Variants in NKTR observed in about 807,000 individuals in gnomAD.
The protein encoded by NKTR is natural killer cell triggering receptor, also known as NK-tumor recognition protein.
A neutral mutation model predicts 156.3 loss-of-function variants in NKTR; 67 were observed. The ratio of observed to expected loss-of-function variants is 0.43; its 90% CI spans 0.35 to 0.53. The LOEUF (loss-of-function observed/expected upper bound fraction) is 0.53, where lower values mean the gene tolerates loss of function less well. NKTR is among the 20% of genes least tolerant of loss of function. NKTR has a pLI of 0.01. For synonymous variants in NKTR, 640 were observed against 596.6 expected (o/e 1.07, Z -1.06); for missense variants, 1,604 against 1,730.9 (o/e 0.93, Z 1.30).
At chr3:42,627,947 A>G (rs1304873957) in intron 6 of NKTR, 2 of 985,208 alleles carry the variant, frequency 2.0e-6, no homozygotes, top group Non-Finnish European at 2.4e-6. Flanking sequence ...TGCCTCTTTT[A>G]GTAGAATTGA....
At chr3:42,643,625 TA>T in intron 15 of NKTR, 1 of 629,482 alleles carries the variant, frequency 1.6e-6, no homozygotes, top group South Asian at 1.9e-5. Flanking sequence ...TTATTGAATA[TA>T]ATTGCCTACA....
In NKTR at chr3:42,645,944, G is replaced by A. The variant is rs781244897; in HGVS notation, c.4358G>A (p.Arg1453Gln). 10 of 1,613,304 alleles carry A rather than the reference G, an allele frequency of 6.2e-6. No homozygotes were observed. Among genetic ancestry groups the A allele is most frequent in the Admixed American group, 1.7e-5 (1 of 59,966 alleles). The change falls in exon 17 of 17, where the codon CGG becomes CAG. Residue 1453 changes from arginine (R) to glutamine (Q), a missense_variant. Physicochemically the swap from Arg to Gln is conservative, Grantham distance 43 (BLOSUM62 1). Around this residue, in one of 6 missense-constraint regions of NKTR, gnomAD observed 193 missense variants for 220.2 expected, o/e 0.88. Coordinates refer to ENST00000232978, the MANE Select transcript of NKTR (RefSeq NM_005385.4). ...SESDRSYSHHRSPSESSRYS is the reference protein window; with the variant it reads ...SESDRSYSHHQSPSESSRYS ...AGTGACCGAAGTTACTCTCATCACC[G>A]GAGCCCCAGTGAGAGCAGCAGATAC...
intron 16 of NKTR, among the ~76,000 whole-genome samples, chr3:42,644,722 T>C (rs770194916): frequency 1.3e-5 from 2 of 152,174 alleles, no homozygotes; most frequent in Non-Finnish European, 2.9e-5. Flanking sequence ...CTTTTCCTTC[T>C]GCCTGGAGAC....
intron 10 of NKTR, 67 bp downstream of exon 10, chr3:42,633,802 T>C: frequency 1.3e-6 from 2 of 1,558,602 alleles, no homozygotes; most frequent in Non-Finnish European, 1.8e-6. Context: ...GCTCATTGCA[T>C]TCCACACTCA....
chr3:42,620,126 A>G (rs1385026064), intron 5 of NKTR: 9 of 1,467,866 alleles, frequency 6.1e-6, no homozygotes, highest in Admixed American at 2.3e-5. Context: ...AGTCTGGGTC[A>G]GGTTGTGGCT....
chr3:42,641,891 T>C (rs1167432270), intron 13 of NKTR, among the ~76,000 whole-genome samples: 1 of 148,138 alleles, frequency 6.8e-6, no homozygotes, highest in Admixed American at 6.7e-5. Context: ...AAAAAAAAAA[T>C]AGAGCTTTGA....
intron 5 of NKTR, chr3:42,620,495 G>A (rs891169215): frequency 1.0e-6 from 1 of 982,994 alleles, no homozygotes; most frequent in African/African-American, 1.7e-5. Context: ...TAGCTTCAGT[G>A]TTATAATAGT....
At position 42,637,349 on chromosome 3, in the gene NKTR, T is replaced by C. The variant is rs1308234623; in HGVS notation, c.1645T>C (p.Ser549Pro). 1 of 1,614,110 alleles carries C rather than the reference T, an allele frequency of 6.2e-7. No individual in the cohort carries two copies. The highest frequency in any genetic ancestry group is 2.2e-5 in the East Asian group (1 of 44,886). The change falls in exon 13 of 17, where the codon TCA (serine) becomes CCA (proline). Residue 549 changes from serine (S) to proline (P), a missense_variant. Physicochemically the swap from Ser to Pro is moderately conservative, Grantham distance 74 (BLOSUM62 -1). Around this residue, in one of 6 missense-constraint regions of NKTR, gnomAD observed 1,255 missense variants for 1,243.7 expected, o/e 1.01. Transcript: ENST00000232978. ...SKSSSHSRSR[S>P]KSRSSSKSGH... ...GTCCTCATCACATTCTCGAAGTAGA[T>C]CAAAGTCCAGATCTAGTTCCAAGTC...
chr3:42,639,791 CTG>C (rs750231534), intron 13 of NKTR, 41 bp downstream of exon 13: 51 of 1,299,900 alleles, frequency 3.9e-5, no homozygotes, highest in Non-Finnish European at 4.0e-5. Context: ...CAAGGAGAGT[CTG>C]TTATTGTTTA....
chr3:42,628,552 A>G (rs1199668725), intron 6 of NKTR: 1 of 985,260 alleles, frequency 1.0e-6, no homozygotes, highest in African/African-American at 1.7e-5. Flanking sequence ...TTTAAGAAAA[A>G]TTTGCAGGCT....
intron 2 of NKTR, among the ~76,000 whole-genome samples, chr3:42,612,556 A>T (rs1706940715): frequency 6.6e-6 from 1 of 152,186 alleles, no homozygotes; most frequent in Admixed American, 6.5e-5. Context: ...TTTAGGTTTA[A>T]TTTTGTAATG....
intron 16 of NKTR, 22 bp from the exon 17 acceptor site, chr3:42,645,866 A>G (rs1454545494): frequency 1.3e-6 from 2 of 1,529,140 alleles, no homozygotes; most frequent in Non-Finnish European, 1.8e-6. Flanking sequence ...AGATTTTTAT[A>G]TATTTTGTTT....
chr3:42,623,885 G>T (rs1331477641), intron 6 of NKTR: 1 of 152,094 alleles, frequency 6.6e-6, no homozygotes, highest in Non-Finnish European at 1.5e-5. Flanking sequence ...TGCTTTATAG[G>T]CTCAATAAGG....
Position 42,634,652 on chromosome 3 carries a change from A to G in NKTR, c.969A>G (p.Lys323=). 1 of 1,605,146 alleles carries G rather than the reference A, an allele frequency of 6.2e-7. No individual in the cohort carries two copies. The highest frequency in any genetic ancestry group is 8.5e-7 in the Non-Finnish European group (1 of 1,174,878). Residue 323 remains lysine (K), a synonymous_variant, in exon 11 of 17, where the codon AAA becomes AAG. Coordinates refer to ENST00000232978, the MANE Select transcript of NKTR (RefSeq NM_005385.4). ...TTGCACCCATTGTAAGTGATCAGAA[A>G]CCATCTGTATCAAAGTCTGGACGGA... is the stretch of plus-strand genomic sequence containing the variant. ...PDVAPIVSDQ[K]PSVSKSGRKI... is the part of the protein sequence containing the mutation.
At position 42,631,428 on chromosome 3, in the gene NKTR, C is replaced by G; in HGVS notation, c.550+112C>G. 3.4e-6 allele frequency: 4 copies of G among 1,191,452 alleles called. 1 individual carries two copies. The South Asian group carries it at 6.2e-5, about 18-fold the overall frequency. 73.8% of individuals were successfully genotyped at this position (1,191,452 alleles called of 1,614,324 possible). A position where few individuals can be genotyped will look rare whatever the true frequency, so the allele number is the denominator to read the frequency against. On this transcript the variant is annotated intron_variant, in intron 8 of 16. Transcript: ENST00000232978. ...TGGTATAGCAATAGCCCTTGGTGCC[C>G]CTGAATCATACCCTACATGTTTAAT...
intron 1 of NKTR, 65 bp from the exon 2 acceptor site, chr3:42,600,919 C>G: frequency 2.0e-5 from 21 of 1,046,584 alleles, no homozygotes; most frequent in Non-Finnish European, 2.5e-5. Context: ...CAGCCCCGCC[C>G]TCGCCCCTGC....
At chr3:42,604,124 T>C (rs897272068) in intron 2 of NKTR, among the ~76,000 whole-genome samples, 1 of 152,190 alleles carries the variant, frequency 6.6e-6, no homozygotes, top group Non-Finnish European at 1.5e-5. Flanking sequence ...TCTTTTAATA[T>C]CTGTGGGGTC....
At position 42,638,956 on chromosome 3, in the gene NKTR, AGAT is replaced by A. The variant is rs2125820384; in HGVS notation, c.3256_3258del (p.Asp1086del). 6.2e-7 allele frequency: 1 copy of A among 1,612,950 alleles called. No individual in the cohort carries two copies. Among genetic ancestry groups the A allele is most frequent in the Non-Finnish European group, 8.5e-7 (1 of 1,179,034 alleles). On this transcript the variant is annotated inframe_deletion, in exon 13 of 17. Transcript: ENST00000232978. ...CATCAGATCTTGATCAGTTTACTAA[AGAT>A]GATAGTAAACTCAGTATTTCTCCCA... is the stretch of plus-strand genomic sequence containing the variant.
chr3:42,638,341 T>C lies in NKTR; in HGVS notation c.2637T>C (p.Asn879=). The C allele has an allele frequency of 6.2e-7, 1 of 1,612,294 alleles. No individual in the cohort carries two copies. Among genetic ancestry groups the C allele is most frequent in the Non-Finnish European group, 8.5e-7 (1 of 1,179,512 alleles). The change falls in exon 13 of 17, where the codon AAT becomes AAC. Residue 879 remains asparagine (N), a synonymous_variant. Transcript: ENST00000232978. ...LRNGSKPKRK[N]YAGSKWDSES... ...ATGGCAGTAAGCCCAAAAGGAAGAA[T>C]TATGCTGGTAGTAAATGGGACTCTG...
Sources: gnomAD v4.1 joint callset for allele counts (sites outside exome capture counted in the v4.1 genomes callset) on GRCh38, gnomAD v4.1.1 for gene constraint, gnomAD v4.1.1 regional missense constraint, MANE v1.5 for transcripts, NCBI Gene and HGNC (gene_info 2026-07-23, HGNC 2026-07-21) for gene names.